Variants in CAMTA1 observed in about 807,000 individuals in gnomAD.
CAMTA1 encodes the protein calmodulin binding transcription activator 1.
A neutral mutation model predicts 170.9 loss-of-function variants in CAMTA1; 27 were observed. The ratio of observed to expected loss-of-function variants is 0.16; its 90% CI spans 0.12 to 0.22. CAMTA1 has a LOEUF of 0.22. CAMTA1 is among the 10% of genes least tolerant of loss of function. CAMTA1 has a pLI of 1.00. For missense variants in CAMTA1, 1,619 were observed against 2,217.2 expected (o/e 0.73, Z 5.42); for synonymous variants, 833 against 891.5 (o/e 0.93, Z 1.17).
At chr1:7,294,208 T>C (rs1673588662) in intron 5 of CAMTA1, among the ~76,000 whole-genome samples, 1 of 151,942 alleles carries the variant, frequency 6.6e-6, no homozygotes, top group South Asian at 2.1e-4. Flanking sequence ...CGGTGGTTTG[T>C]GGTGGGGCTG....
At chr1:7,100,175 C>T (rs1199683645) in intron 4 of CAMTA1, among the ~76,000 whole-genome samples, 1 of 152,194 alleles carries the variant, frequency 6.6e-6, no homozygotes, top group Non-Finnish European at 1.5e-5. Flanking sequence ...CTGCACGGCA[C>T]TTGGGTTTTT....
At chr1:7,593,065 C>T (rs2095367253) in intron 6 of CAMTA1, among the ~76,000 whole-genome samples, 1 of 152,154 alleles carries the variant, frequency 6.6e-6, no homozygotes, top group South Asian at 2.1e-4. Flanking sequence ...GCCATCTGAG[C>T]CTGTTAAAGC....
intron 4 of CAMTA1, among the ~76,000 whole-genome samples, chr1:7,225,336 G>A (rs1661506040): frequency 6.6e-6 from 1 of 152,066 alleles, no homozygotes; most frequent in African/African-American, 2.4e-5. Flanking sequence ...CGCCTGCCTC[G>A]GCCTCCTAAA....
chr1:7,489,236 C>T (rs185187734), intron 6 of CAMTA1, among the ~76,000 whole-genome samples: 31 of 152,350 alleles, frequency 2.0e-4, no homozygotes, highest in African/African-American at 6.3e-4. Flanking sequence ...TTCTGTCCCC[C>T]GTTTCCAGAT....
At chr1:7,760,311 G>T (rs901936818) in intron 22 of CAMTA1, among the ~76,000 whole-genome samples, 6 of 152,252 alleles carry the variant, frequency 3.9e-5, no homozygotes, top group African/African-American at 7.2e-5. Flanking sequence ...CCGGGTCATA[G>T]CTGCACTGGG....
intron 4 of CAMTA1, among the ~76,000 whole-genome samples, chr1:7,241,401 C>T (rs1206274970): frequency 6.6e-6 from 1 of 152,152 alleles, no homozygotes; most frequent in Non-Finnish European, 1.5e-5. Flanking sequence ...CAGTACAACT[C>T]CAATTAAAAT....
intron 4 of CAMTA1, among the ~76,000 whole-genome samples, chr1:7,219,851 C>G (rs1156700043): frequency 6.6e-6 from 1 of 152,094 alleles, no homozygotes; most frequent in African/African-American, 2.4e-5. Flanking sequence ...GCCTGGGCAA[C>G]ACAGGGAGAC....
intron 3 of CAMTA1, among the ~76,000 whole-genome samples, chr1:7,001,048 A>T (rs1475380526): frequency 1.3e-5 from 2 of 152,104 alleles, no homozygotes; most frequent in African/African-American, 4.8e-5. Context: ...TATATTTTTA[A>T]TTTCTTTAGT....
rs147859299 is a variant in CAMTA1 at position 7,041,166 on chromosome 1, G to A, written c.235-50138G>A. On this transcript the variant is annotated intron_variant, in intron 3 of 22. Transcript: ENST00000303635. This position sits in a 1 kb window ranked among gnomAD's most constrained non-coding sequence, Gnocchi z 5.1. ...TTGGCCCCAAGCCAGTGCGGGCGAC[G>A]GTGTCAGCCACCCTTGGTTCATTTT... 6.6e-5 allele frequency among the ~76,000 whole-genome samples: 10 copies of A among 152,358 alleles called. No homozygotes were observed. The highest frequency in any genetic ancestry group is 2.6e-4 in the Admixed American group (4 of 15,308).
At chr1:7,724,568 C>A (rs1255774284) in intron 11 of CAMTA1, among the ~76,000 whole-genome samples, 1 of 152,124 alleles carries the variant, frequency 6.6e-6, no homozygotes, top group Non-Finnish European at 1.5e-5. Context: ...CGCGGTGGCT[C>A]ACGCCTGTAA....
intron 11 of CAMTA1, among the ~76,000 whole-genome samples, chr1:7,702,970 T>C (rs560718124): frequency 5.9e-5 from 9 of 152,204 alleles, no homozygotes; most frequent in African/African-American, 1.7e-4. Context: ...TCCCGCACCA[T>C]AGATATGAAG....
At chr1:6,798,268 G>A (rs970384921) in intron 1 of CAMTA1, among the ~76,000 whole-genome samples, 20 of 152,084 alleles carry the variant, frequency 1.3e-4, no homozygotes, top group African/African-American at 1.7e-4. Context: ...GATTACAGGT[G>A]TGAGCTACCG....
chr1:7,349,834 G>A (rs965168513), intron 5 of CAMTA1, among the ~76,000 whole-genome samples: 6 of 152,270 alleles, frequency 3.9e-5, no homozygotes, highest in Non-Finnish European at 7.4e-5. Context: ...CTCCATAACA[G>A]TCCTGAAGCA....
chr1:7,646,146 G>A (rs542381859), intron 7 of CAMTA1, among the ~76,000 whole-genome samples: 1 of 151,140 alleles, frequency 6.6e-6, no homozygotes, highest in East Asian at 2.0e-4. Context: ...TGAGGTGGAT[G>A]GAGGCCCTGG....
At chr1:7,477,579 G>T (rs2093441512) in intron 6 of CAMTA1, among the ~76,000 whole-genome samples, 1 of 152,138 alleles carries the variant, frequency 6.6e-6, no homozygotes, top group Non-Finnish European at 1.5e-5. Context: ...CCCACCTAAA[G>T]CCTCCAGAAA....
At chr1:6,831,051 C>T (rs1649882624) in intron 3 of CAMTA1, among the ~76,000 whole-genome samples, 2 of 152,032 alleles carry the variant, frequency 1.3e-5, no homozygotes, top group Admixed American at 1.3e-4. Flanking sequence ...ATCTCCTGAC[C>T]TCATGATCCG....
intron 5 of CAMTA1, among the ~76,000 whole-genome samples, chr1:7,436,361 A>C (rs1056958343): frequency 7.9e-5 from 12 of 152,058 alleles, no homozygotes; most frequent in East Asian, 7.7e-4. Flanking sequence ...CCTGGGAGGG[A>C]AAAGGGGAAG....
At chr1:6,867,096 G>C (rs1335606662) in intron 3 of CAMTA1, among the ~76,000 whole-genome samples, 2 of 152,128 alleles carry the variant, frequency 1.3e-5, no homozygotes, top group Non-Finnish European at 2.9e-5. Context: ...ACTAAGTTGT[G>C]CATTGTCTTG....
At chr1:6,990,177 A>C (rs1312785372) in intron 3 of CAMTA1, among the ~76,000 whole-genome samples, 1 of 152,254 alleles carries the variant, frequency 6.6e-6, no homozygotes, top group African/African-American at 2.4e-5. Context: ...GTAGGTCACC[A>C]GCAGTCTTTA....
Sources: gnomAD v4.1 joint callset for allele counts (sites outside exome capture counted in the v4.1 genomes callset) on GRCh38, gnomAD v4.1.1 for gene constraint, Gnocchi (gnomAD v3.1) non-coding constraint, MANE v1.5 for transcripts, NCBI Gene and HGNC (gene_info 2026-07-23, HGNC 2026-07-21) for gene names.